Variants in AKAP9 observed in about 807,000 individuals in gnomAD.
AKAP9 encodes A-kinase anchoring protein 9, also known as A-kinase anchor protein 9.
Under a neutral mutation model 488.5 loss-of-function variants are expected in AKAP9, and 311 were observed. That is an observed-to-expected ratio of 0.64 (90% CI 0.58 to 0.70). AKAP9 has a LOEUF of 0.70. Among genes scored for constraint, AKAP9 ranks in the 30% least tolerant of loss-of-function variants. The pLI is 0.00. For synonymous variants in AKAP9, 1,462 were observed against 1,483.5 expected, an observed-to-expected ratio of 0.99 and a Z score of 0.33; for missense variants, 4,215 against 4,374.5, an observed-to-expected ratio of 0.96 and a Z score of 1.03.
chr7:91,984,306 A>G (rs946208198), intron 3 of AKAP9, among the ~76,000 whole-genome samples: 2 of 152,146 alleles, frequency 1.3e-5, no homozygotes, highest in Admixed American at 6.6e-5. Context: ...TAATTTTTGT[A>G]TAAGGTGTAA....
chr7:92,020,860 A>G (rs1222882394), intron 12 of AKAP9, among the ~76,000 whole-genome samples: 1 of 152,218 alleles, frequency 6.6e-6, no homozygotes, highest in Non-Finnish European at 1.5e-5. Context: ...GAGGATGTAT[A>G]AGAGTAGTGA....
chr7:92,102,548 G>A (rs1248155464), intron 45 of AKAP9, 46 bp from the exon 46 acceptor site: 1 of 1,548,534 alleles, frequency 6.5e-7, no homozygotes, highest in Admixed American at 1.7e-5. Context: ...AGAGCAGGGT[G>A]AATGTTTTCT....
chr7:92,041,567 C>T (rs1806114698), intron 18 of AKAP9: 3 of 158,284 alleles, frequency 1.9e-5, no homozygotes, highest in Admixed American at 1.8e-4. Context: ...CTCACAAAAC[C>T]ATTGCAGAAA....
Position 91,941,144 on chromosome 7 carries a change from C to T in AKAP9, c.45C>T (p.Ala15=). The T allele has an allele frequency of 6.2e-7, 1 of 1,614,002 alleles. No homozygotes were observed. The highest frequency in any genetic ancestry group is 1.1e-5 in the South Asian group (1 of 91,086). Residue 15 remains alanine, a synonymous_variant, in exon 1 of 50, where the codon GCC becomes GCT. Coordinates refer to ENST00000356239, the MANE Select transcript of AKAP9 (RefSeq NM_005751.5). The part of the protein sequence containing the change: ...ERQKKLEAGK[A]KLAQFRQRKA... ...AGAAGAAGCTGGAGGCCGGCAAAGC[C>T]AAGGTAGGAGAGCCCGAGGCAACCG... is the stretch of plus-strand genomic sequence containing the variant.
Position 92,110,119 on chromosome 7 carries a change from T to G in AKAP9, c.11687-3T>G. The G allele has an allele frequency of 6.3e-7, 1 of 1,599,050 alleles. No homozygotes were observed. Among genetic ancestry groups the G allele is most frequent in the African/African-American group, 1.3e-5 (1 of 74,928 alleles). On this transcript the variant is annotated splice_polypyrimidine_tract_variant and splice_region_variant and intron_variant, in intron 49 of 49. Transcript: ENST00000356239. ...AGTTGAATTTCCTGTTTTTCTCTCA[T>G]AGGTTCAACTACTCAATTTCATGCT...
rs138338196 is a variant in AKAP9 at position 92,063,890 on chromosome 7, T to C, written c.5978-1341T>C. ...CCGCCTCCTGGGTTCAAGCGATTCT[T>C]CCACCTCAGCCTCCTGAGTAACTGA... On this transcript the variant is annotated intron_variant, in intron 24 of 49. Transcript: ENST00000356239. Among the ~76,000 whole-genome samples the C allele has an allele frequency of 9.7e-3, 1,481 of 152,052 alleles. 33 individuals carry two copies. The highest frequency in any genetic ancestry group is 0.034 in the African/African-American group (1,412 of 41,516).
chr7:92,079,479 A>G lies in AKAP9; in HGVS notation c.7346A>G (p.Asn2449Ser), dbSNP rs746289779. ...SVEKIQSIPENSVNVAIDHLS... is the reference protein window; with the variant it reads ...SVEKIQSIPESSVNVAIDHLS... ...GAAAAGATTCAAAGCATACCAGAGA[A>G]TAGTGTTAACGTGGCTATAGATCAT... Residue 2449 changes from asparagine to serine, a missense_variant, in exon 31 of 50, where the codon AAT (asparagine) becomes AGT (serine). Physicochemically the swap from Asn to Ser is conservative, Grantham distance 46. Transcript: ENST00000356239. The G allele has an allele frequency of 2.7e-5, 44 of 1,614,040 alleles. No homozygotes were observed. Among genetic ancestry groups the G allele is most frequent in the Non-Finnish European group, 3.6e-5 (43 of 1,180,014 alleles).
At chr7:91,981,554 G>C (rs367623015) in intron 3 of AKAP9, among the ~76,000 whole-genome samples, 6 of 147,370 alleles carry the variant, frequency 4.1e-5, no homozygotes, top group African/African-American at 1.2e-4. Flanking sequence ...TATTGCATTT[G>C]AAAACTTTTT....
rs757936041 is a variant in AKAP9 at position 92,002,144 on chromosome 7, CAAG to C, written c.2231_2233del (p.Glu744del). Reference sequence around the variant, plus strand: ...AGAAAAAGAAAAGGGTACACTTGAACAAGAAGTTCAAGAATTACAACTTAAAAC... The same window carrying C: ...AGAAAAAGAAAAGGGTACACTTGAACAAGTTCAAGAATTACAACTTAAAAC... On this transcript the variant is annotated inframe_deletion, in exon 8 of 50. Transcript: ENST00000356239. 5 of 1,591,402 alleles carry C rather than the reference CAAG, an allele frequency of 3.1e-6. No homozygotes were observed. The South Asian group carries it at 5.9e-5, about 19-fold the overall frequency.
intron 28 of AKAP9, among the ~76,000 whole-genome samples, chr7:92,073,218 C>G (rs962887690): frequency 6.6e-6 from 1 of 151,714 alleles, no homozygotes; most frequent in East Asian, 1.9e-4. Context: ...GGAAACAGGC[C>G]AGGCGTGGTG....
intron 1 of AKAP9, among the ~76,000 whole-genome samples, chr7:91,945,547 G>A (rs1791363142): frequency 6.6e-6 from 1 of 152,130 alleles, no homozygotes; most frequent in African/African-American, 2.4e-5. Context: ...AGTGTAGCCT[G>A]CCCAGTGGGC....
chr7:92,028,516 G>A (rs1004952590), intron 14 of AKAP9, among the ~76,000 whole-genome samples: 23 of 152,090 alleles, frequency 1.5e-4, no homozygotes, highest in Non-Finnish European at 2.9e-5. Context: ...GGAAAGGGCA[G>A]AGAAGAAAGA....
chr7:91,996,314 G>A (rs891485979), intron 7 of AKAP9, among the ~76,000 whole-genome samples: 5 of 152,238 alleles, frequency 3.3e-5, no homozygotes, highest in Non-Finnish European at 5.9e-5. Flanking sequence ...ACATATATGT[G>A]TATCACATTG....
intron 15 of AKAP9, among the ~76,000 whole-genome samples, 198 bp from the exon 16 acceptor site, chr7:92,031,314 G>T (rs578057484): frequency 6.6e-6 from 1 of 151,988 alleles, no homozygotes; most frequent in East Asian, 1.9e-4. Flanking sequence ...TTAAGTTCAC[G>T]GTAGTGAGTA....
intron 28 of AKAP9, among the ~76,000 whole-genome samples, chr7:92,073,304 G>A (rs1321782327): frequency 1.3e-5 from 2 of 151,362 alleles, no homozygotes; most frequent in Non-Finnish European, 2.9e-5. Context: ...AGACCATCCT[G>A]GCTAACATGG....
Position 92,110,284 on chromosome 7 carries a change from T to A in AKAP9, c.*125T>A. 1 of 779,772 alleles carries A rather than the reference T, an allele frequency of 1.3e-6. No homozygotes were observed. Among genetic ancestry groups the A allele is most frequent in the Non-Finnish European group, 2.1e-6 (1 of 467,458 alleles). The allele number at this position is 779,772 out of a possible 1,614,324, so 48.3% of individuals were successfully genotyped here. The stretch of plus-strand genomic sequence containing the variant: ...AATATGAACACAGCTTATGATTGTA[T>A]ACAAATCCCTTGCCAGCACATGAAA... On this transcript the variant is annotated 3_prime_UTR_variant, in exon 50 of 50. Coordinates refer to ENST00000356239, the MANE Select transcript of AKAP9 (RefSeq NM_005751.5).
chr7:91,982,705 C>T (rs949827186), intron 3 of AKAP9, among the ~76,000 whole-genome samples: 1 of 152,054 alleles, frequency 6.6e-6, no homozygotes, highest in Non-Finnish European at 1.5e-5. Flanking sequence ...GGGTATATAC[C>T]CAGTAATGGG....
At chr7:92,059,894 A>C (rs1008114284) in intron 22 of AKAP9, among the ~76,000 whole-genome samples, 1 of 151,916 alleles carries the variant, frequency 6.6e-6, no homozygotes, top group Non-Finnish European at 1.5e-5. Flanking sequence ...ATTCCTTTTG[A>C]GATAACAACA....
chr7:91,941,118 CAGA>C lies in AKAP9; in HGVS notation c.25_27del (p.Lys9del), dbSNP rs1790688140. On this transcript the variant is annotated inframe_deletion, in exon 1 of 50. Transcript: ENST00000356239. ...AGAGGCCATGGAGGACGAGGAGAGA[CAGA>C]AGAAGCTGGAGGCCGGCAAAGCCAA... The C allele has an allele frequency of 1.9e-6, 3 of 1,614,082 alleles. No homozygotes were observed. Among genetic ancestry groups the C allele is most frequent in the Non-Finnish European group, 2.5e-6 (3 of 1,179,936 alleles).
Sources: gnomAD v4.1 joint callset for allele counts (sites outside exome capture counted in the v4.1 genomes callset) on GRCh38, gnomAD v4.1.1 for gene constraint, MANE v1.5 for transcripts, NCBI Gene and HGNC (gene_info 2026-07-23, HGNC 2026-07-21) for gene names.